FRMD6: variants seen among roughly 807,000 people sequenced by gnomAD.
FRMD6 encodes FERM domain-containing protein 6.
Under a neutral mutation model 73.2 loss-of-function variants are expected in FRMD6, and 37 were observed. That is an observed-to-expected ratio of 0.51 (90% CI 0.39 to 0.66). The LOEUF is 0.66. Ranked by LOEUF, FRMD6 falls within the 30% of genes least tolerant of loss-of-function variation. The pLI, the probability that FRMD6 is intolerant of heterozygous loss-of-function variation, is 0.00. For missense variants in FRMD6, 714 were observed against 780.5 expected, an observed-to-expected ratio of 0.91 and a Z score of 1.02; for synonymous variants, 273 against 282.2, an observed-to-expected ratio of 0.97 and a Z score of 0.33.
intron 1 of FRMD6, among the ~76,000 whole-genome samples, chr14:51,517,513 T>A (rs1884698491): frequency 6.6e-6 from 1 of 152,144 alleles, no homozygotes; most frequent in African/African-American, 2.4e-5. Flanking sequence ...TAAGATAAAT[T>A]TAATTGTGTT....
At chr14:51,421,051 C>T in the FRMD6 span, among the ~76,000 whole-genome samples, 1 of 152,142 alleles carries the variant, frequency 6.6e-6, no homozygotes, top group African/African-American at 2.4e-5. Context: ...AATGGGATTA[C>T]AGACGTGAGC....
intron 1 of FRMD6, among the ~76,000 whole-genome samples, chr14:51,518,964 A>G (rs893130434): frequency 2.6e-5 from 4 of 152,198 alleles, no homozygotes; most frequent in East Asian, 1.9e-4. Flanking sequence ...TACAGTCATT[A>G]ACTAAATTTA....
At chr14:51,643,250 CCATTG>C (rs1329826239) in intron 2 of FRMD6, among the ~76,000 whole-genome samples, 1 of 152,026 alleles carries the variant, frequency 6.6e-6, no homozygotes, top group Non-Finnish European at 1.5e-5. Flanking sequence ...GCTCGGTTGA[CCATTG>C]AGAGTGGCAG....
chr14:51,619,041 T>C (rs539867191), intron 2 of FRMD6, among the ~76,000 whole-genome samples: 2 of 151,958 alleles, frequency 1.3e-5, no homozygotes, highest in African/African-American at 4.8e-5. Context: ...TTGGGTGATT[T>C]AGAATTCCCT....
intron 2 of FRMD6, among the ~76,000 whole-genome samples, chr14:51,572,383 A>C (rs944716520): frequency 6.6e-6 from 1 of 152,264 alleles, no homozygotes; most frequent in African/African-American, 2.4e-5. Flanking sequence ...TCTTTCACAT[A>C]AATGCTAATA....
chr14:51,505,966 A>T (rs1883941096), intron 1 of FRMD6, among the ~76,000 whole-genome samples: 1 of 152,076 alleles, frequency 6.6e-6, no homozygotes, highest in African/African-American at 2.4e-5. Context: ...TAACCATCTG[A>T]ACACAAATCT....
the FRMD6 span, among the ~76,000 whole-genome samples, chr14:51,449,352 G>C: frequency 6.6e-6 from 1 of 152,192 alleles, no homozygotes; most frequent in African/African-American, 2.4e-5. Context: ...CAACAAAAGA[G>C]CATGGTGGTG....
chr14:51,502,913 T>A (rs773681794), intron 1 of FRMD6, among the ~76,000 whole-genome samples: 9 of 152,200 alleles, frequency 5.9e-5, no homozygotes, highest in Non-Finnish European at 1.2e-4. Context: ...GTCCTTCACA[T>A]CTCTTGTTAG....
chr14:51,628,040 G>A (rs1022005678), intron 2 of FRMD6, among the ~76,000 whole-genome samples: 7 of 152,076 alleles, frequency 4.6e-5, no homozygotes, highest in African/African-American at 1.2e-4. Flanking sequence ...AAACTACATT[G>A]TTTAGGAAAT....
At chr14:51,615,729 C>T (rs1212914308) in intron 2 of FRMD6, among the ~76,000 whole-genome samples, 1 of 152,160 alleles carries the variant, frequency 6.6e-6, no homozygotes, top group Non-Finnish European at 1.5e-5. Context: ...AAGAACCTCA[C>T]TTGAAAATAA....
chr14:51,406,918 G>A, the FRMD6 span, among the ~76,000 whole-genome samples: 3 of 151,940 alleles, frequency 2.0e-5, no homozygotes, highest in Non-Finnish European at 4.4e-5. Context: ...AGAACACCTT[G>A]TTGTTGGTGT....
upstream of FRMD6, among the ~76,000 whole-genome samples, chr14:51,484,430 G>A (rs965108886): frequency 4.6e-5 from 7 of 152,048 alleles, no homozygotes; most frequent in Admixed American, 4.6e-4. Flanking sequence ...TGGAGACAGG[G>A]CCCTGGAAAC....
the FRMD6 span, among the ~76,000 whole-genome samples, chr14:51,413,124 G>A: frequency 6.6e-6 from 1 of 151,410 alleles, no homozygotes; most frequent in Non-Finnish European, 1.5e-5. Flanking sequence ...CCGAGTAGCA[G>A]GGACTACAGG....
In FRMD6 at chr14:51,702,530, C is replaced by T. The variant is rs1594757704; in HGVS notation, c.313C>T (p.Pro105Ser). The stretch of plus-strand genomic sequence containing the variant: ...TTTCTAGGGTATCGACCAATTTGGG[C>T]CTCCTATGATCATCCACTTCCGTGT... ...EVTWGIDQFG[P>S]PMIIHFRVQY... The change falls in exon 5 of 14, where the codon CCT becomes TCT. Residue 105 changes from proline to serine, a missense_variant. Transcript: ENST00000344768. 20 of 1,611,722 alleles carry T rather than the reference C, an allele frequency of 1.2e-5. No homozygotes were observed. The East Asian group carries it at 4.5e-4, about 36-fold the overall frequency.
chr14:51,679,555 CTT>C (rs61250963), intron 1 of FRMD6, among the ~76,000 whole-genome samples: 43,691 of 120,158 alleles, frequency 0.36, 4,894 homozygotes, highest in Admixed American at 0.39. Flanking sequence ...CATTTGTTTT[CTT>C]TTTTTTTTTT....
At chr14:51,549,790 T>C (rs1368446924) in intron 1 of FRMD6, among the ~76,000 whole-genome samples, 1 of 151,648 alleles carries the variant, frequency 6.6e-6, no homozygotes, top group Non-Finnish European at 1.5e-5. Context: ...AGAGACGGGG[T>C]TTCACCGTGT....
At position 51,715,442 on chromosome 14, in the gene FRMD6, C is replaced by G. The variant is rs1897185348; in HGVS notation, c.967C>G (p.Leu323Val). ...GCAACTTCTGAGCAACAGCCACCGC[C>G]TCTATATGAATCTGCAGCCTGTCCT... is the stretch of plus-strand genomic sequence containing the variant. ...LLQLLSNSHR[L>V]YMNLQPVLRH... is the part of the protein sequence containing the mutation. Residue 323 changes from leucine (L) to valine (V), a missense_variant, in exon 10 of 14, where the codon CTC (leucine) becomes GTC (valine). By Grantham distance (32) the Leu-to-Val change is conservative. Coordinates refer to ENST00000344768, the MANE Select transcript of FRMD6 (RefSeq NM_001267046.2). The G allele has an allele frequency of 6.2e-7, 1 of 1,613,844 alleles. No homozygotes were observed. Among genetic ancestry groups the G allele is most frequent in the South Asian group, 1.1e-5 (1 of 91,026 alleles).
the FRMD6 span, among the ~76,000 whole-genome samples, chr14:51,424,521 CATTT>C: frequency 0.084 from 12,741 of 152,248 alleles, 551 homozygotes; most frequent in African/African-American, 0.1. Flanking sequence ...CGCTGAAAGG[CATTT>C]AAATACAACC....
At chr14:51,467,659 C>T in the FRMD6 span, among the ~76,000 whole-genome samples, 11 of 151,108 alleles carry the variant, frequency 7.3e-5, no homozygotes, top group East Asian at 5.9e-4. Flanking sequence ...GGGGTGGTGG[C>T]GGGGCAGAGA....
Sources: allele counts gnomAD v4.1 joint callset (sites outside exome capture counted in the v4.1 genomes callset), GRCh38; gene constraint gnomAD v4.1.1; transcripts MANE v1.5; gene names NCBI Gene and HGNC (gene_info 2026-07-23, HGNC 2026-07-21).